Variants in CNTNAP5 observed in about 807,000 individuals in gnomAD.
CNTNAP5 encodes the protein contactin associated protein family member 5, also known as contactin-associated protein-like 5.
A neutral mutation model predicts 150.2 loss-of-function variants in CNTNAP5; 72 were observed. That is an observed-to-expected ratio of 0.48 (90% confidence interval 0.40 to 0.58). The LOEUF is 0.58. CNTNAP5 is among the 20% of genes least tolerant of loss of function. The pLI is 0.00. For synonymous variants in CNTNAP5, 672 were observed against 619.8 expected, an observed-to-expected ratio of 1.08 and a Z score of -1.25; for missense variants, 1,636 against 1,626.2, an observed-to-expected ratio of 1.01 and a Z score of -0.10.
intron 8 of CNTNAP5, among the ~76,000 whole-genome samples, chr2:124,510,261 ATATC>A (rs1694529601): frequency 7.7e-6 from 1 of 130,360 alleles, no homozygotes; most frequent in Admixed American, 8.9e-5. Flanking sequence ...CTATATCTAT[ATATC>A]TATATATCTA....
At chr2:124,194,412 A>AT (rs1685534313) in intron 1 of CNTNAP5, among the ~76,000 whole-genome samples, 42 of 7,030 alleles carry the variant, frequency 6.0e-3, no homozygotes, top group Non-Finnish European at 0.012. Flanking sequence ...TATATATATA[A>AT]ATATAAATAG....
intron 1 of CNTNAP5, among the ~76,000 whole-genome samples, chr2:124,078,955 G>A (rs1682499376): frequency 6.6e-6 from 1 of 152,182 alleles, no homozygotes; most frequent in Non-Finnish European, 1.5e-5. Flanking sequence ...AAGCAGGGGT[G>A]ATTACATCTA....
chr2:124,065,129 G>T (rs1682122593), intron 1 of CNTNAP5, among the ~76,000 whole-genome samples: 1 of 152,144 alleles, frequency 6.6e-6, no homozygotes, highest in African/African-American at 2.4e-5. Context: ...GGAGAATTAT[G>T]CAGACTACCT....
intron 3 of CNTNAP5, among the ~76,000 whole-genome samples, chr2:124,245,449 A>T (rs1019179011): frequency 2.6e-5 from 4 of 152,142 alleles, no homozygotes; most frequent in African/African-American, 4.8e-5. Flanking sequence ...CAAGAACAAT[A>T]GTCAAACAAA....
At chr2:124,837,194 G>A (rs1682847740) in intron 19 of CNTNAP5, among the ~76,000 whole-genome samples, 1 of 151,276 alleles carries the variant, frequency 6.6e-6, no homozygotes, top group Admixed American at 6.6e-5. Context: ...AAAAAAAAAA[G>A]GTTAAATGCA....
intron 7 of CNTNAP5, among the ~76,000 whole-genome samples, chr2:124,479,166 A>T (rs1693710027): frequency 6.6e-6 from 1 of 152,218 alleles, no homozygotes; most frequent in African/African-American, 2.4e-5. Flanking sequence ...ATACAGCACT[A>T]TATAATAAAC....
At chr2:124,313,551 C>A (rs1282676480) in intron 3 of CNTNAP5, among the ~76,000 whole-genome samples, 3 of 152,178 alleles carry the variant, frequency 2.0e-5, no homozygotes, top group Non-Finnish European at 4.4e-5. Flanking sequence ...ATACCTCTTT[C>A]TTTTTCTGTC....
chr2:124,323,639 T>G (rs1471651612), intron 3 of CNTNAP5, among the ~76,000 whole-genome samples: 1 of 152,154 alleles, frequency 6.6e-6, no homozygotes, highest in Non-Finnish European at 1.5e-5. Flanking sequence ...TCATATCACA[T>G]GCAAAGGACA....
chr2:124,654,750 T>A (rs189457334), intron 13 of CNTNAP5, among the ~76,000 whole-genome samples: 1 of 151,920 alleles, frequency 6.6e-6, no homozygotes, highest in Non-Finnish European at 1.5e-5. Flanking sequence ...TTTTTCTTTG[T>A]CCTTCCTTCT....
At chr2:124,411,077 T>G (rs1304006738) in intron 3 of CNTNAP5, among the ~76,000 whole-genome samples, 2 of 152,122 alleles carry the variant, frequency 1.3e-5, no homozygotes, top group African/African-American at 4.8e-5. Context: ...AAATACAAAC[T>G]ACCATCAGAG....
At chr2:124,215,137 GT>G (rs145400576) in intron 1 of CNTNAP5, among the ~76,000 whole-genome samples, 21,216 of 152,128 alleles carry the variant, frequency 0.14, 2,016 homozygotes, top group East Asian at 0.35. Flanking sequence ...CAAAATGTAT[GT>G]TTTATATCTT....
At chr2:124,185,901 G>A (rs148608730) in intron 1 of CNTNAP5, among the ~76,000 whole-genome samples, 97 of 152,272 alleles carry the variant, frequency 6.4e-4, no homozygotes, top group African/African-American at 2.2e-3. Context: ...TAACTAATGA[G>A]CAGTTGCTTT....
At chr2:124,835,830 C>T (rs1682817048) in intron 19 of CNTNAP5, among the ~76,000 whole-genome samples, 1 of 152,130 alleles carries the variant, frequency 6.6e-6, no homozygotes, top group Non-Finnish European at 1.5e-5. Context: ...ATGACCACCT[C>T]ACTTGCTCTC....
chr2:124,266,506 G>A (rs753331796), intron 3 of CNTNAP5, among the ~76,000 whole-genome samples: 1 of 152,064 alleles, frequency 6.6e-6, no homozygotes, highest in Non-Finnish European at 1.5e-5. Context: ...ATAGGTCTTT[G>A]ATGCATAAAA....
intron 13 of CNTNAP5, among the ~76,000 whole-genome samples, chr2:124,734,659 G>A (rs1319441877): frequency 6.6e-6 from 1 of 151,588 alleles, no homozygotes; most frequent in African/African-American, 2.4e-5. Context: ...GAAATTTGGT[G>A]ACCTTCTCTC....
At chr2:124,604,464 ATCCG>A (rs1697057288) in intron 11 of CNTNAP5, among the ~76,000 whole-genome samples, 1 of 152,200 alleles carries the variant, frequency 6.6e-6, no homozygotes, top group Admixed American at 6.5e-5. Flanking sequence ...AAATATTTTC[ATCCG>A]TTACTTTGGG....
chr2:124,487,761 T>G (rs557857099), intron 7 of CNTNAP5, among the ~76,000 whole-genome samples: 1 of 152,226 alleles, frequency 6.6e-6, no homozygotes, highest in African/African-American at 2.4e-5. Context: ...TTTAATTCCT[T>G]ATGATGACTG....
chr2:124,820,816 C>T (rs1329832663), intron 19 of CNTNAP5, among the ~76,000 whole-genome samples: 2 of 152,176 alleles, frequency 1.3e-5, no homozygotes, highest in Non-Finnish European at 2.9e-5. Flanking sequence ...TATTATATGC[C>T]ACTTACTTTC....
intron 3 of CNTNAP5, among the ~76,000 whole-genome samples, chr2:124,276,752 T>G (rs941336197): frequency 2.0e-5 from 3 of 152,178 alleles, no homozygotes; most frequent in African/African-American, 7.2e-5. Context: ...TTTTAAGTAT[T>G]ACACATTTAA....
Sources: gnomAD v4.1 joint callset for allele counts (sites outside exome capture counted in the v4.1 genomes callset) on GRCh38, gnomAD v4.1.1 for gene constraint, MANE v1.5 for transcripts, NCBI Gene and HGNC (gene_info 2026-07-23, HGNC 2026-07-21) for gene names.